Variants in FRMPD4 observed in about 807,000 individuals in gnomAD.
The protein encoded by FRMPD4 is FERM and PDZ domain containing 4.
In FRMPD4, 22 loss-of-function variants were observed where a neutral mutation model predicts 94.1. The observed-to-expected ratio is 0.23, with a 90% confidence interval of 0.17 to 0.33. The LOEUF is 0.33. Among genes scored for constraint, FRMPD4 ranks in the 10% least tolerant of loss-of-function variants. The pLI is 1.00. For synonymous variants in FRMPD4, 631 were observed against 548.6 expected, an observed-to-expected ratio of 1.15 and a Z score of -2.10; for missense variants, 1,111 against 1,339.9, an observed-to-expected ratio of 0.83 and a Z score of 2.67.
At chrX:12,022,550 C>A (rs1190028007) in intron 3 of FRMPD4, among the ~76,000 whole-genome samples, 2 of 111,713 alleles carry the variant, frequency 1.8e-5, no homozygotes, top group African/African-American at 6.5e-5. Context: ...ATGCACCCAG[C>A]CTTCTCAGTT....
At chrX:11,848,918 A>G (rs6530457) in intron 1 of FRMPD4, among the ~76,000 whole-genome samples, 14,499 of 111,381 alleles carry the variant, frequency 0.13, 1,147 homozygotes, top group African/African-American at 0.28. Flanking sequence ...GCCTGCTTTC[A>G]CTACTTCTAC....
Position 12,160,449 on chromosome X carries a change from C to CTAGGTAAT in FRMPD4, c.41+21440_41+21447dup, listed in dbSNP as rs1419512287. Among the ~76,000 whole-genome samples, 4 of 111,369 alleles carry CTAGGTAAT rather than the reference C, an allele frequency of 3.6e-5. No homozygotes were observed. In the East Asian group the frequency reaches 1.1e-3, roughly 31 times the overall value. On this transcript the variant is annotated intron_variant, in intron 1 of 16. Transcript: ENST00000675598. The stretch of plus-strand genomic sequence containing the variant: ...TATTCTCAAACCAGGTAATCTACTT[C>CTAGGTAAT]TAGGTAATTAAGAACTGACCGTAGT...
At chrX:12,675,712 G>A (rs774699537) in intron 5 of FRMPD4, among the ~76,000 whole-genome samples, 1 of 111,656 alleles carries the variant, frequency 9.0e-6, no homozygotes, top group Non-Finnish European at 1.9e-5. Context: ...AAAAATTACC[G>A]AGGCAAATTC....
At chrX:12,461,562 A>C (rs930856330) in intron 1 of FRMPD4, among the ~76,000 whole-genome samples, 1 of 112,240 alleles carries the variant, frequency 8.9e-6, no homozygotes, top group South Asian at 3.7e-4. Context: ...CGTAATTTGC[A>C]TGGAGCACTT....
rs1475385571 is a variant in FRMPD4 at position 12,584,472 on chromosome X, T to C, written c.159-25249T>C. Among the ~76,000 whole-genome samples, 3 of 111,638 alleles carry C rather than the reference T, an allele frequency of 2.7e-5. No homozygotes were observed. In the Admixed American group the frequency reaches 2.9e-4, roughly 11 times the overall value. The stretch of plus-strand genomic sequence containing the variant: ...TAATTTAGAAAACGATCATCACTGC[T>C]AAAACTATCAGATGAAGACTGTTGA... On this transcript the variant is annotated intron_variant, in intron 2 of 16. Transcript: ENST00000675598.
rs183041538 is a variant in FRMPD4 at position 12,490,026 on chromosome X, T to C, written c.42-8654T>C. ...ATACAAGAGTCCTCAATGAAACGTT[T>C]TGAATGAGTGAATGAGCAAATGTAA... On this transcript the variant is annotated intron_variant, in intron 1 of 16. Coordinates refer to ENST00000675598, the MANE Select transcript of FRMPD4 (RefSeq NM_001368397.1). Among the ~76,000 whole-genome samples, 322 of 111,441 alleles carry C rather than the reference T, an allele frequency of 2.9e-3. 1 individual carries two copies. The highest frequency in any genetic ancestry group is 9.7e-3 in the African/African-American group (298 of 30,708).
chrX:12,711,904 C>A (rs756381781), intron 14 of FRMPD4, among the ~76,000 whole-genome samples: 1 of 110,607 alleles, frequency 9.0e-6, no homozygotes, highest in Non-Finnish European at 1.9e-5. Flanking sequence ...CACACTTAAA[C>A]ACGCATACAG....
chrX:11,993,915 A>C (rs1274308043), intron 3 of FRMPD4, among the ~76,000 whole-genome samples: 1 of 111,813 alleles, frequency 8.9e-6, no homozygotes, highest in African/African-American at 3.3e-5. Flanking sequence ...TTATTTTGTG[A>C]TGAACAGGTT....
At chrX:12,156,153 A>T (rs918941641) in intron 1 of FRMPD4, among the ~76,000 whole-genome samples, 2 of 111,694 alleles carry the variant, frequency 1.8e-5, no homozygotes, top group African/African-American at 6.5e-5. Context: ...GGGGCCAGAG[A>T]TTCTAAACAT....
chrX:12,141,361 G>A (rs1217462376), intron 1 of FRMPD4, among the ~76,000 whole-genome samples: 1 of 111,851 alleles, frequency 8.9e-6, no homozygotes, highest in African/African-American at 3.3e-5. Flanking sequence ...TAATTCAGAA[G>A]GCATATCTTG....
chrX:11,842,883 G>T (rs992328201), intron 1 of FRMPD4, among the ~76,000 whole-genome samples: 8 of 108,714 alleles, frequency 7.4e-5, no homozygotes, highest in Non-Finnish European at 1.5e-4. Flanking sequence ...TTGGCTGTGG[G>T]TTTGTCATAG....
intron 1 of FRMPD4, among the ~76,000 whole-genome samples, chrX:12,300,623 G>A (rs1264299883): frequency 1.8e-5 from 2 of 112,415 alleles, no homozygotes; most frequent in African/African-American, 6.5e-5. Context: ...AAGAATGCAA[G>A]GGGTTTGAGA....
chrX:12,459,947 A>C, intron 1 of FRMPD4, among the ~76,000 whole-genome samples: 2 of 111,887 alleles, frequency 1.8e-5, no homozygotes, highest in Admixed American at 1.9e-4. Flanking sequence ...TCATATTCTC[A>C]CCAACAGTTG....
intron 1 of FRMPD4, among the ~76,000 whole-genome samples, chrX:12,207,028 AT>A (rs1253300723): frequency 9.0e-6 from 1 of 111,351 alleles, no homozygotes; most frequent in African/African-American, 3.3e-5. Context: ...ATTGGTTTGC[AT>A]TTTTTTGGTT....
chrX:12,333,091 C>A (rs1235435921), intron 1 of FRMPD4, among the ~76,000 whole-genome samples: 1 of 111,839 alleles, frequency 8.9e-6, no homozygotes, highest in Non-Finnish European at 1.9e-5. Flanking sequence ...GTTTTTCAAG[C>A]ATTATATTAT....
chrX:12,066,686 A>G (rs1427152038), intron 3 of FRMPD4, among the ~76,000 whole-genome samples: 1 of 110,049 alleles, frequency 9.1e-6, no homozygotes, highest in Non-Finnish European at 1.9e-5. Flanking sequence ...TAAGTTCCCC[A>G]AATAATGTTT....
chrX:12,332,003 T>C (rs2055419444), intron 1 of FRMPD4, among the ~76,000 whole-genome samples: 1 of 60,358 alleles, frequency 1.7e-5, no homozygotes. Flanking sequence ...AAATTATATA[T>C]ATTTATATAC....
intron 1 of FRMPD4, among the ~76,000 whole-genome samples, chrX:12,416,069 T>A (rs2056796228): frequency 9.0e-6 from 1 of 111,652 alleles, no homozygotes; most frequent in Non-Finnish European, 1.9e-5. Context: ...AATGCTAACA[T>A]TTAGTGAGCA....
chrX:12,719,067 G>A (rs1249937837), intron 16 of FRMPD4, among the ~76,000 whole-genome samples: 2 of 112,514 alleles, frequency 1.8e-5, no homozygotes, highest in Non-Finnish European at 3.8e-5. Flanking sequence ...AAATGCAGAT[G>A]TTTAGCAATG....
Sources: gnomAD v4.1 joint callset for allele counts (sites outside exome capture counted in the v4.1 genomes callset) on GRCh38, gnomAD v4.1.1 for gene constraint, MANE v1.5 for transcripts, NCBI Gene and HGNC (gene_info 2026-07-23, HGNC 2026-07-21) for gene names.